The following PARN variants were observed in gnomAD, a reference collection of about 807,000 sequenced individuals.
The protein encoded by PARN is poly(A)-specific ribonuclease PARN.
In PARN, 71 loss-of-function variants were observed where a neutral mutation model predicts 102.8. The ratio of observed to expected loss-of-function variants is 0.69; its 90% CI spans 0.57 to 0.84. PARN has a LOEUF of 0.84. Ranked by LOEUF, PARN falls within the 40% of genes least tolerant of loss-of-function variation. The pLI is 0.00. For synonymous variants in PARN, 261 were observed against 252.9 expected, an observed-to-expected ratio of 1.03 and a Z score of -0.30; for missense variants, 782 against 760.9, an observed-to-expected ratio of 1.03 and a Z score of -0.33.
In PARN at chr16:14,497,211, C is replaced by CT. The variant is rs1964360724; in HGVS notation, c.1481-14385dup. On this transcript the variant is annotated intron_variant, in intron 21 of 23. Transcript: ENST00000437198. ...CTACCAGCATTGATTTCCTGACCCACTAAACAAGCCCTGCCTGACCTGAAC... is the reference window on the plus strand; with the variant it reads ...CTACCAGCATTGATTTCCTGACCCACTTAAACAAGCCCTGCCTGACCTGAAC... Among the ~76,000 whole-genome samples, 3 of 152,166 alleles carry CT rather than the reference C, an allele frequency of 2.0e-5. No homozygotes were observed. The East Asian group carries it at 5.8e-4, about 29-fold the overall frequency.
chr16:14,464,453 A>G (rs1962202054), intron 22 of PARN, among the ~76,000 whole-genome samples: 1 of 152,192 alleles, frequency 6.6e-6, no homozygotes, highest in African/African-American at 2.4e-5. Flanking sequence ...CAGCAAAAAT[A>G]TCTTTCAAAA....
intron 22 of PARN, among the ~76,000 whole-genome samples, chr16:14,464,016 A>AT (rs909729543): frequency 3.2e-4 from 48 of 152,020 alleles, no homozygotes; most frequent in Admixed American, 3.3e-4. Flanking sequence ...TTGTGTGTGT[A>AT]TTTTTTTGAA....
intron 17 of PARN, among the ~76,000 whole-genome samples, chr16:14,581,433 T>A (rs1367127818): frequency 1.3e-5 from 2 of 152,050 alleles, no homozygotes; most frequent in Admixed American, 1.3e-4. Flanking sequence ...CCTCCCCTCA[T>A]CTCCTCCCAC....
intron 6 of PARN, among the ~76,000 whole-genome samples, chr16:14,616,542 T>C (rs1325000615): frequency 6.6e-6 from 1 of 152,174 alleles, no homozygotes; most frequent in African/African-American, 2.4e-5. Flanking sequence ...GGACAGGAGT[T>C]TGGGACCAGC....
intron 5 of PARN, among the ~76,000 whole-genome samples, chr16:14,626,116 T>C (rs1485181475): frequency 6.6e-6 from 1 of 152,202 alleles, no homozygotes; most frequent in Non-Finnish European, 1.5e-5. Flanking sequence ...AGTTTTTTTT[T>C]CTACCCCCCT....
intron 21 of PARN, among the ~76,000 whole-genome samples, chr16:14,524,934 C>G (rs1965919813): frequency 6.6e-6 from 1 of 152,048 alleles, no homozygotes; most frequent in Non-Finnish European, 1.5e-5. Context: ...ATAGTCCAAC[C>G]CAGCATATCT....
At chr16:14,534,880 G>A (rs1966544541) in intron 21 of PARN, among the ~76,000 whole-genome samples, 1 of 150,570 alleles carries the variant, frequency 6.6e-6, no homozygotes, top group Non-Finnish European at 1.5e-5. Flanking sequence ...TGTTGCCCAG[G>A]CTGGAGTGCA....
At chr16:14,467,677 T>C (rs1962443749) in intron 22 of PARN, among the ~76,000 whole-genome samples, 1 of 152,242 alleles carries the variant, frequency 6.6e-6, no homozygotes, top group Non-Finnish European at 1.5e-5. Flanking sequence ...TTCCAAGGCA[T>C]GTACATACTC....
At position 14,562,956 on chromosome 16, in the gene PARN, T is replaced by C. The variant is rs943389660; in HGVS notation, c.1263-7247A>G. 5.3e-5 allele frequency among the ~76,000 whole-genome samples: 8 copies of C among 152,210 alleles called. 1 individual carries two copies. Among genetic ancestry groups the C allele is most frequent in the Admixed American group, 4.6e-4 (7 of 15,280 alleles). ...GTGGCTTATCTAAGCCATTCCCTAGTAGTCCGGTGAATATTAAGTGGGTTG... is the reference window on the plus strand; with the variant it reads ...GTGGCTTATCTAAGCCATTCCCTAGCAGTCCGGTGAATATTAAGTGGGTTG... On this transcript the variant is annotated intron_variant, in intron 18 of 23. Transcript: ENST00000437198.
intron 18 of PARN, among the ~76,000 whole-genome samples, chr16:14,555,998 CT>C (rs1210702230): frequency 6.6e-6 from 1 of 151,490 alleles, no homozygotes; most frequent in African/African-American, 2.4e-5. Flanking sequence ...CTGAGTAGCT[CT>C]AATTTTTGTA....
At chr16:14,504,791 A>G (rs1964803048) in intron 21 of PARN, among the ~76,000 whole-genome samples, 1 of 152,192 alleles carries the variant, frequency 6.6e-6, no homozygotes, top group Admixed American at 6.5e-5. Context: ...ACTTAGAATA[A>G]AAAAATCTTT....
At chr16:14,585,365 T>G (rs896817221) in intron 14 of PARN, among the ~76,000 whole-genome samples, 4 of 24,632 alleles carry the variant, frequency 1.6e-4, no homozygotes, top group East Asian at 7.1e-4. Context: ...TATTTCTCTG[T>G]TTTTTTTTTT....
intron 18 of PARN, among the ~76,000 whole-genome samples, chr16:14,571,923 GA>G (rs1329913149): frequency 6.6e-6 from 1 of 152,174 alleles, no homozygotes; most frequent in Admixed American, 6.5e-5. Flanking sequence ...TCCTACTGGA[GA>G]AATCAATCAA....
At chr16:14,465,877 A>G (rs1010065122) in intron 22 of PARN, among the ~76,000 whole-genome samples, 1 of 152,236 alleles carries the variant, frequency 6.6e-6, no homozygotes, top group African/African-American at 2.4e-5. Context: ...AAAGGCCATT[A>G]TCCTTAGCAA....
At chr16:14,622,487 T>C (rs1452211002) in intron 5 of PARN, among the ~76,000 whole-genome samples, 1 of 152,222 alleles carries the variant, frequency 6.6e-6, no homozygotes, top group East Asian at 1.9e-4. Context: ...GCGAGTTGCA[T>C]AAAATGTGAA....
chr16:14,625,441 G>T (rs1972586162), intron 5 of PARN, among the ~76,000 whole-genome samples: 1 of 152,132 alleles, frequency 6.6e-6, no homozygotes, highest in Non-Finnish European at 1.5e-5. Flanking sequence ...AGGTTACAGT[G>T]AGCCTAGATC....
intron 21 of PARN, among the ~76,000 whole-genome samples, chr16:14,544,818 C>G (rs992953100): frequency 9.9e-5 from 15 of 152,076 alleles, no homozygotes; most frequent in Non-Finnish European, 1.6e-4. Context: ...GGTAAACAGA[C>G]AATTCTACAA....
At chr16:14,630,038 T>A in intron 1 of PARN, 69 bp downstream of exon 1, 1 of 1,401,198 alleles carries the variant, frequency 7.1e-7, no homozygotes, top group Admixed American at 2.0e-5. Flanking sequence ...ACGCCGGCCA[T>A]GGTCTCGGCC....
At position 14,584,422 on chromosome 16, in the gene PARN, C is replaced by T; in HGVS notation, c.1006G>A (p.Asp336Asn). 1 of 1,611,438 alleles carries T rather than the reference C, an allele frequency of 6.2e-7. No homozygotes were observed. Among genetic ancestry groups the T allele is most frequent in the Non-Finnish European group, 8.5e-7 (1 of 1,177,988 alleles). Residue 336 changes from aspartate to asparagine, a missense_variant and splice_region_variant, in exon 16 of 24, where the codon GAT (aspartate) becomes AAT (asparagine). By Grantham distance (23) the Asp-to-Asn change is conservative. Transcript: ENST00000437198. ...KLMASTQPFK[D>N]IINNTSLAEL... is the part of the protein sequence containing the mutation. Reference sequence around the variant, plus strand: ...GCAAGGGATGTGTTGTTAATGATATCCTGCAAACCACGAAGCAAAGAATTA... The same window carrying T: ...GCAAGGGATGTGTTGTTAATGATATTCTGCAAACCACGAAGCAAAGAATTA...
Sources: gnomAD v4.1 joint callset for allele counts (sites outside exome capture counted in the v4.1 genomes callset) on GRCh38, gnomAD v4.1.1 for gene constraint, MANE v1.5 for transcripts, NCBI Gene and HGNC (gene_info 2026-07-23, HGNC 2026-07-21) for gene names.